Variants in ONECUT1 observed in about 807,000 individuals in gnomAD.
ONECUT1 encodes the protein one cut homeobox 1.
Under a neutral mutation model 25.6 loss-of-function variants are expected in ONECUT1, and 12 were observed. That is an observed-to-expected ratio of 0.47 (90% CI 0.30 to 0.76). ONECUT1 has a LOEUF of 0.76. Among genes scored for constraint, ONECUT1 ranks in the 30% least tolerant of loss-of-function variants. The pLI, the probability that ONECUT1 is intolerant of heterozygous loss-of-function variation, is 0.07. For missense variants in ONECUT1, 620 were observed against 651.2 expected (o/e 0.95, Z 0.52); for synonymous variants, 285 against 270.2 (o/e 1.05, Z -0.54).
chr15:52,786,351 C>T (rs1238534912), intron 1 of ONECUT1, among the ~76,000 whole-genome samples: 1 of 152,248 alleles, frequency 6.6e-6, no homozygotes, highest in Non-Finnish European at 1.5e-5. Flanking sequence ...TAGCCCTTTC[C>T]ACCATCCCTT....
At chr15:52,768,509 T>G (rs1566990118) in intron 1 of ONECUT1, among the ~76,000 whole-genome samples, 1 of 152,194 alleles carries the variant, frequency 6.6e-6, no homozygotes, top group South Asian at 2.1e-4. Context: ...CTCTAGTTAT[T>G]ATGATGATTC....
At position 52,784,967 on chromosome 15, in the gene ONECUT1, A is replaced by G. The variant is rs933627824; in HGVS notation, c.1105+3813T>C. Among the ~76,000 whole-genome samples the G allele has an allele frequency of 6.6e-6, 1 of 152,176 alleles. No homozygotes were observed. Among genetic ancestry groups the G allele is most frequent in the African/African-American group, 2.4e-5 (1 of 41,452 alleles). On this transcript the variant is annotated intron_variant, in intron 1 of 1. Coordinates refer to ENST00000305901, the MANE Select transcript of ONECUT1 (RefSeq NM_004498.4). This position sits in a 1 kb window ranked among gnomAD's most constrained non-coding sequence, Gnocchi z 5.0. Reference sequence around the variant, plus strand: ...GTTCGCGCCGCAGCGGGCTGGGAGCAGCTGCGCGACACCAGACCCACAGCG... The same window carrying G: ...GTTCGCGCCGCAGCGGGCTGGGAGCGGCTGCGCGACACCAGACCCACAGCG...
At chr15:52,770,578 C>T (rs2083761078) in intron 1 of ONECUT1, among the ~76,000 whole-genome samples, 1 of 152,132 alleles carries the variant, frequency 6.6e-6, no homozygotes. Context: ...ACATCAACAT[C>T]GCCTGGGAGC....
At chr15:52,779,921 A>G (rs2083829490) in intron 1 of ONECUT1, among the ~76,000 whole-genome samples, 1 of 152,326 alleles carries the variant, frequency 6.6e-6, no homozygotes, top group East Asian at 1.9e-4. Context: ...GTCTCCATCC[A>G]TCAGACAGTA....
In ONECUT1 at chr15:52,755,626, T is replaced by G. The variant is rs2083670562; in HGVS notation, c.*1929A>C. ...TAGACAAGGTGCTGAGATTTGATGC[T>G]AAGGAGTTATGTTTTGTGTCAAGAT... On this transcript the variant is annotated 3_prime_UTR_variant, in exon 2 of 2. Transcript: ENST00000305901. Among the ~76,000 whole-genome samples, 1 of 152,238 alleles carries G rather than the reference T, an allele frequency of 6.6e-6. No homozygotes were observed. Among genetic ancestry groups the G allele is most frequent in the African/African-American group, 2.4e-5 (1 of 41,462 alleles).
At chr15:52,772,095 G>GA (rs965088244) in intron 1 of ONECUT1, among the ~76,000 whole-genome samples, 1 of 151,886 alleles carries the variant, frequency 6.6e-6, no homozygotes, top group African/African-American at 2.4e-5. Flanking sequence ...CCTGGCAGAG[G>GA]AAAAAAAAGC....
At chr15:52,778,242 C>T (rs969804724) in intron 1 of ONECUT1, among the ~76,000 whole-genome samples, 2 of 152,160 alleles carry the variant, frequency 1.3e-5, no homozygotes, top group Non-Finnish European at 2.9e-5. Flanking sequence ...CCTCTTATCT[C>T]CCTGCCTTCC....
intron 1 of ONECUT1, among the ~76,000 whole-genome samples, chr15:52,766,759 G>A (rs1039107026): frequency 2.0e-5 from 3 of 152,200 alleles, no homozygotes; most frequent in African/African-American, 7.2e-5. Context: ...GGGAGCAGAG[G>A]GCCTTGGCAA....
chr15:52,765,497 G>A (rs894143972), intron 1 of ONECUT1, among the ~76,000 whole-genome samples: 2 of 152,184 alleles, frequency 1.3e-5, no homozygotes, highest in Non-Finnish European at 2.9e-5. Flanking sequence ...GTCAGCTGAA[G>A]CTGTTTTTCA....
intron 1 of ONECUT1, among the ~76,000 whole-genome samples, chr15:52,762,459 T>C (rs1388372657): frequency 6.6e-6 from 1 of 152,262 alleles, no homozygotes; most frequent in Non-Finnish European, 1.5e-5. Context: ...GATTAATGTC[T>C]TATACAATAT....
intron 1 of ONECUT1, among the ~76,000 whole-genome samples, chr15:52,786,254 CTTCA>C (rs1158423315): frequency 5.9e-5 from 9 of 152,262 alleles, no homozygotes; most frequent in Admixed American, 2.0e-4. Context: ...ATGGCTCCTT[CTTCA>C]GTAACTTAAA....
At chr15:52,780,927 C>A in intron 1 of ONECUT1, 1 of 1,252,936 alleles carries the variant, frequency 8.0e-7, no homozygotes. Flanking sequence ...CACATGGTGA[C>A]TGGAAACATG....
At chr15:52,772,906 G>A (rs754806192) in intron 1 of ONECUT1, among the ~76,000 whole-genome samples, 4 of 152,110 alleles carry the variant, frequency 2.6e-5, no homozygotes, top group African/African-American at 7.2e-5. Flanking sequence ...ACACACATAC[G>A]CATATAACAA....
chr15:52,772,900 A>G (rs2083777360), intron 1 of ONECUT1, among the ~76,000 whole-genome samples: 1 of 152,202 alleles, frequency 6.6e-6, no homozygotes, highest in Non-Finnish European at 1.5e-5. Flanking sequence ...GTGCACACAC[A>G]CATACGCATA....
intron 1 of ONECUT1, among the ~76,000 whole-genome samples, chr15:52,779,252 A>AT (rs922728784): frequency 1.4e-4 from 21 of 147,840 alleles, no homozygotes; most frequent in East Asian, 7.9e-4. Flanking sequence ...CCCGGCTAAT[A>AT]TTTTTTTTTT....
intron 1 of ONECUT1, among the ~76,000 whole-genome samples, chr15:52,765,324 A>C (rs1205455820): frequency 1.3e-5 from 2 of 152,218 alleles, no homozygotes; most frequent in African/African-American, 4.8e-5. Context: ...TGTGAATTAC[A>C]TCTCTATCAA....
intron 1 of ONECUT1, among the ~76,000 whole-genome samples, chr15:52,763,558 T>A (rs1352032227): frequency 6.6e-6 from 1 of 152,196 alleles, no homozygotes; most frequent in Non-Finnish European, 1.5e-5. Flanking sequence ...GTCAAGTTGG[T>A]TTGGGAAATG....
chr15:52,783,492 C>T (rs1239034752), intron 1 of ONECUT1, among the ~76,000 whole-genome samples: 2 of 152,218 alleles, frequency 1.3e-5, no homozygotes, highest in South Asian at 2.1e-4. Flanking sequence ...GGCGTCAGGG[C>T]GGTGGGACCC....
At chr15:52,775,664 T>C (rs2083795225) in intron 1 of ONECUT1, among the ~76,000 whole-genome samples, 1 of 152,236 alleles carries the variant, frequency 6.6e-6, no homozygotes, top group African/African-American at 2.4e-5. Flanking sequence ...GCATTTAGTA[T>C]ATGTTCAAAA....
Sources: gnomAD v4.1 joint callset for allele counts (sites outside exome capture counted in the v4.1 genomes callset) on GRCh38, gnomAD v4.1.1 for gene constraint, Gnocchi (gnomAD v3.1) non-coding constraint, MANE v1.5 for transcripts, NCBI Gene and HGNC (gene_info 2026-07-23, HGNC 2026-07-21) for gene names.